The following C10orf88 variants were observed in gnomAD, a reference collection of about 807,000 sequenced individuals.
The protein encoded by C10orf88 is chromosome 10 open reading frame 88, also known as ATPase PAAT.
C10orf88 carries 29 observed loss-of-function variants against 34.2 expected under a neutral mutation model. The ratio of observed to expected loss-of-function variants is 0.85; its 90% CI spans 0.63 to 1.16. The LOEUF is 1.16. Among genes scored for constraint, C10orf88 ranks in the 50% most tolerant of loss-of-function variants. The probability of loss-of-function intolerance (pLI) is 0.00; values close to 1 mark genes in which losing one functional copy is unlikely to be tolerated. For missense variants in C10orf88, 507 were observed against 533.2 expected (o/e 0.95, Z 0.48); for synonymous variants, 194 against 197.4 (o/e 0.98, Z 0.15).
At chr10:122,941,728 A>T (rs1335150604) in intron 4 of C10orf88, among the ~76,000 whole-genome samples, 1 of 152,150 alleles carries the variant, frequency 6.6e-6, no homozygotes, top group African/African-American at 2.4e-5. Flanking sequence ...GTCTTCCATT[A>T]GCATGTTTAA....
intron 5 of C10orf88, among the ~76,000 whole-genome samples, chr10:122,934,989 T>C (rs1848521776): frequency 6.6e-6 from 1 of 152,106 alleles, no homozygotes; most frequent in African/African-American, 2.4e-5. Context: ...TTGCCCATGG[T>C]TTAAATTGGA....
chr10:122,952,888 T>G lies in C10orf88; in HGVS notation c.309A>C (p.Leu103Phe), dbSNP rs1479799960. 6.2e-7 allele frequency: 1 copy of G among 1,614,202 alleles called. No individual in the cohort carries two copies. The highest frequency in any genetic ancestry group is 1.3e-5 in the African/African-American group (1 of 75,064). ...LSSARNMEVY[L>F]GEEYCGTSRG... is the part of the protein sequence containing the mutation. ...TACTGGTTCCACAGTACTCCTCTCC[T>G]AAGTACACTTCCATATTTCTTGCTG... Residue 103 changes from leucine (L) to phenylalanine (F), a missense_variant, in exon 2 of 6, where the codon TTA (leucine) becomes TTC (phenylalanine). Leu to Phe is a conservative substitution (Grantham distance 22). Transcript: ENST00000481909.
chr10:122,945,080 G>A (rs1230319848), intron 4 of C10orf88, among the ~76,000 whole-genome samples: 2 of 150,584 alleles, frequency 1.3e-5, no homozygotes, highest in South Asian at 2.1e-4. Flanking sequence ...GTATATATAC[G>A]TATATATATA....
At chr10:122,944,920 A>T (rs992596941) in intron 4 of C10orf88, among the ~76,000 whole-genome samples, 1 of 151,626 alleles carries the variant, frequency 6.6e-6, no homozygotes, top group African/African-American at 2.4e-5. Context: ...TTTACATCTC[A>T]TCACTATTCA....
rs760133968 is a variant in C10orf88 at position 122,932,451 on chromosome 10, T to C, written c.1314A>G (p.Glu438=). The C allele has an allele frequency of 2.5e-5, 41 of 1,612,796 alleles. No homozygotes were observed. The highest frequency in any genetic ancestry group is 2.5e-6 in the Non-Finnish European group (3 of 1,179,138). Residue 438 remains glutamate (E), a synonymous_variant, in exon 6 of 6, where the codon GAA becomes GAG. Coordinates refer to ENST00000481909, the MANE Select transcript of C10orf88 (RefSeq NM_024942.4). ...GIPLRHYDSG[E]RLSNGER ...CTTATCTTTCTCCATTTGAAAGTCT[T>C]TCTCCAGAGTCATAATGTCTTAGAG...
intron 3 of C10orf88, among the ~76,000 whole-genome samples, chr10:122,949,323 T>A (rs1265850680): frequency 6.6e-6 from 1 of 152,094 alleles, no homozygotes; most frequent in African/African-American, 2.4e-5. Context: ...GACAACATAA[T>A]AAAAGTTATG....
intron 4 of C10orf88, among the ~76,000 whole-genome samples, chr10:122,938,833 T>A (rs184626182): frequency 6.6e-5 from 10 of 152,136 alleles, no homozygotes; most frequent in African/African-American, 2.2e-4. Flanking sequence ...CCTGAGAAGA[T>A]TCTGGCTTAC....
At chr10:122,944,736 C>A (rs943360614) in intron 4 of C10orf88, among the ~76,000 whole-genome samples, 3 of 151,858 alleles carry the variant, frequency 2.0e-5, no homozygotes, top group Admixed American at 6.6e-5. Flanking sequence ...TAAATAAATT[C>A]TTAATAAAGC....
intron 2 of C10orf88, 148 bp downstream of exon 2, chr10:122,952,681 T>C (rs766729904): frequency 1.1e-5 from 10 of 905,224 alleles, no homozygotes; most frequent in Admixed American, 2.8e-5. Context: ...ATCTCTAAAG[T>C]TGTAAACTTC....
At chr10:122,940,524 T>C (rs1478026503) in intron 4 of C10orf88, among the ~76,000 whole-genome samples, 1 of 152,052 alleles carries the variant, frequency 6.6e-6, no homozygotes. Context: ...ATTGTACATT[T>C]AAAAATTTGT....
chr10:122,931,071 G>A lies in C10orf88; in HGVS notation c.*1356C>T, dbSNP rs1169465345. 3 of 152,176 alleles carry A rather than the reference G, an allele frequency of 2.0e-5. No individual in the cohort carries two copies. In the East Asian group the frequency reaches 5.8e-4, roughly 29 times the overall value. 9.4% of individuals were successfully genotyped at this position (152,176 alleles called of 1,614,324 possible). A position where few individuals can be genotyped will look rare whatever the true frequency, so the allele number is the denominator to read the frequency against. On this transcript the variant is annotated 3_prime_UTR_variant, in exon 6 of 6. Coordinates refer to ENST00000481909, the MANE Select transcript of C10orf88 (RefSeq NM_024942.4). Reference sequence around the variant, plus strand: ...GGGAGGAATATTCCTGGATTTTTCAGAAATGGGCAGTGAACTTCCTAAAAC... The same window carrying A: ...GGGAGGAATATTCCTGGATTTTTCAAAAATGGGCAGTGAACTTCCTAAAAC...
intron 3 of C10orf88, among the ~76,000 whole-genome samples, chr10:122,949,596 C>T (rs11815014): frequency 0.019 from 2,842 of 152,214 alleles, 107 homozygotes; most frequent in African/African-American, 0.066. Flanking sequence ...GCAGGAGATT[C>T]GATCACACTA....
chr10:122,948,252 T>C (rs1341032407), intron 4 of C10orf88, among the ~76,000 whole-genome samples: 1 of 152,150 alleles, frequency 6.6e-6, no homozygotes, highest in Non-Finnish European at 1.5e-5. Context: ...AATCCCACCC[T>C]ACATTTTAAA....
intron 5 of C10orf88, among the ~76,000 whole-genome samples, chr10:122,936,953 GTTGGTAGAGTTC>G (rs1848538824): frequency 6.6e-6 from 1 of 151,860 alleles, no homozygotes. Flanking sequence ...TTCTGCTATT[GTTGGTAGAGTTC>G]TCTATAAATG....
intron 3 of C10orf88, among the ~76,000 whole-genome samples, chr10:122,949,749 T>C (rs190657427): frequency 1.1e-4 from 17 of 152,324 alleles, no homozygotes; most frequent in Non-Finnish European, 1.8e-4. Context: ...TATATACCAA[T>C]CTGAGACCTT....
chr10:122,932,789 C>T (rs1053410107), intron 5 of C10orf88, 128 bp from the exon 6 acceptor site: 7 of 663,270 alleles, frequency 1.1e-5, no homozygotes, highest in African/African-American at 3.6e-5. Flanking sequence ...TCTTACAATG[C>T]ATTTCTAGGT....
At chr10:122,953,104 G>A (rs1182587842) in intron 1 of C10orf88, 72 bp from the exon 2 acceptor site, 8 of 1,250,520 alleles carry the variant, frequency 6.4e-6, no homozygotes, top group Middle Eastern at 1.9e-4. Context: ...TTGAGACGGA[G>A]TCTGGCTCTG....
In C10orf88 at chr10:122,954,227, T is replaced by C; in HGVS notation, c.-49A>G. 1 of 1,451,368 alleles carries C rather than the reference T, an allele frequency of 6.9e-7. No individual in the cohort carries two copies. Among genetic ancestry groups the C allele is most frequent in the Non-Finnish European group, 9.0e-7 (1 of 1,110,124 alleles). 89.9% of individuals were successfully genotyped at this position (1,451,368 alleles called of 1,614,324 possible). Reference sequence around the variant, plus strand: ...CCCAGCCCCGGAACCTCTCTTCCAGTGCTTGAATTTCCGCCGGTACAGCGT... The same window carrying C: ...CCCAGCCCCGGAACCTCTCTTCCAGCGCTTGAATTTCCGCCGGTACAGCGT... On this transcript the variant is annotated 5_prime_UTR_variant, in exon 1 of 6. Coordinates refer to ENST00000481909, the MANE Select transcript of C10orf88 (RefSeq NM_024942.4).
chr10:122,939,680 TA>T (rs1273402679), intron 4 of C10orf88, among the ~76,000 whole-genome samples: 3 of 151,950 alleles, frequency 2.0e-5, no homozygotes, highest in Admixed American at 2.0e-4. Flanking sequence ...CAACTCCCCA[TA>T]AGCTCAAAGA....
Sources: allele counts gnomAD v4.1 joint callset (sites outside exome capture counted in the v4.1 genomes callset), GRCh38; gene constraint gnomAD v4.1.1; transcripts MANE v1.5; gene names NCBI Gene and HGNC (gene_info 2026-07-23, HGNC 2026-07-21).